CD55: variants seen among roughly 807,000 people sequenced by gnomAD.
CD55 encodes the protein CD55 molecule (Cromer blood group).
CD55 carries 41 observed loss-of-function variants against 45.8 expected under a neutral mutation model. The ratio of observed to expected loss-of-function variants is 0.90; its 90% CI spans 0.70 to 1.16. The LOEUF is 1.16. CD55 is among the 50% of genes most tolerant of loss of function. The probability of loss-of-function intolerance (pLI) is 0.00; values close to 1 mark genes in which losing one functional copy is unlikely to be tolerated. For missense variants in CD55, 416 were observed against 469.8 expected (o/e 0.89, Z 1.06); for synonymous variants, 181 against 181.1 (o/e 1.00, Z 0.01).
At position 207,322,267 on chromosome 1, in the gene CD55, A is replaced by C. The variant is rs955623046; in HGVS notation, c.101-115A>C. ...GCCGTGTGGAGCACACGATGCTGCA[A>C]ACTTGCATGTCATCTCTTTCAGGTG... is the stretch of plus-strand genomic sequence containing the variant. On this transcript the variant is annotated intron_variant, in intron 1 of 9. Transcript: ENST00000367064. 1.4e-5 allele frequency: 12 copies of C among 887,286 alleles called. No individual in the cohort carries two copies. The African/African-American group carries it at 1.6e-4, about 12-fold the overall frequency. The allele number at this position is 887,286 out of a possible 1,614,324, so 55.0% of individuals were successfully genotyped here.
At chr1:207,346,120 G>T (rs1045255525) in intron 9 of CD55, among the ~76,000 whole-genome samples, 4 of 152,272 alleles carry the variant, frequency 2.6e-5, no homozygotes, top group African/African-American at 7.2e-5. Flanking sequence ...GGGGGCATGG[G>T]TGATGGCAGT....
intron 9 of CD55, among the ~76,000 whole-genome samples, chr1:207,348,196 GTGTTCTCT>G (rs1446905418): frequency 2.0e-5 from 3 of 152,148 alleles, no homozygotes; most frequent in Admixed American, 1.3e-4. Context: ...CAATGTATAA[GTGTTCTCT>G]GTTTTCCACA....
At chr1:207,331,343 G>A (rs1158469231) in intron 6 of CD55, 47 bp downstream of exon 6, 2 of 1,453,454 alleles carry the variant, frequency 1.4e-6, no homozygotes, top group Non-Finnish European at 9.6e-7. Flanking sequence ...TTACCCTCAG[G>A]TCTATATGTG....
In CD55 at chr1:207,360,501, T is replaced by C. The variant is rs576643280; in HGVS notation, c.*891T>C. 6.6e-6 allele frequency: 1 copy of C among 152,296 alleles called. No individual in the cohort carries two copies. Among genetic ancestry groups the C allele is most frequent in the Non-Finnish European group, 1.5e-5 (1 of 68,000 alleles). The allele number at this position is 152,296 out of a possible 1,614,324, so 9.4% of individuals were successfully genotyped here. ...AGAAATAAATGATCCCATTTTTTGG[T>C]ATCATGTAGTATGTGAAATTTATTC... On this transcript the variant is annotated 3_prime_UTR_variant, in exon 10 of 10. Transcript: ENST00000367064.
At chr1:207,327,902 T>C (rs1654759345) in intron 5 of CD55, among the ~76,000 whole-genome samples, 1 of 152,208 alleles carries the variant, frequency 6.6e-6, no homozygotes, top group Non-Finnish European at 1.5e-5. Flanking sequence ...AAATTTTTCA[T>C]CATTGCTACC....
At chr1:207,339,515 A>C (rs1655329497) in intron 9 of CD55, 98 bp downstream of exon 9, 1 of 945,392 alleles carries the variant, frequency 1.1e-6, no homozygotes, top group South Asian at 1.6e-5. Flanking sequence ...GTTTTTAAAA[A>C]AATGTATCCT....
intron 9 of CD55, among the ~76,000 whole-genome samples, chr1:207,349,778 G>T (rs1273179333): frequency 2.0e-5 from 3 of 152,160 alleles, no homozygotes; most frequent in Non-Finnish European, 4.4e-5. Context: ...AGACTATGGA[G>T]TATTCTAGGT....
chr1:207,325,286 GATT>G (rs894498007), intron 3 of CD55, among the ~76,000 whole-genome samples: 35 of 142,036 alleles, frequency 2.5e-4, no homozygotes, highest in Admixed American at 1.8e-3. Flanking sequence ...AGTGAGCTGA[GATT>G]ATGTCACCGC....
chr1:207,334,541 A>G (rs1357303917), intron 6 of CD55, among the ~76,000 whole-genome samples: 2 of 152,204 alleles, frequency 1.3e-5, no homozygotes, highest in Non-Finnish European at 2.9e-5. Context: ...CAAATGCACA[A>G]TAACAATGCG....
chr1:207,329,831 C>G (rs1051336552), intron 5 of CD55, among the ~76,000 whole-genome samples: 8 of 151,980 alleles, frequency 5.3e-5, no homozygotes, highest in African/African-American at 1.9e-4. Flanking sequence ...AGGCTGGTCT[C>G]GAACTCCTGG....
chr1:207,336,908 G>GTAAA (rs1655201415), intron 7 of CD55, 90 bp downstream of exon 7: 2 of 1,440,946 alleles, frequency 1.4e-6, no homozygotes, highest in Non-Finnish European at 9.7e-7. Flanking sequence ...ACCCACCACA[G>GTAAA]TAAATGTCCC....
intron 9 of CD55, among the ~76,000 whole-genome samples, chr1:207,352,304 A>G (rs994646857): frequency 1.3e-5 from 2 of 150,508 alleles, no homozygotes; most frequent in Non-Finnish European, 3.0e-5. Flanking sequence ...CTTTTTAGAC[A>G]TTTTTTTTTG....
chr1:207,358,725 A>G (rs2102451828), intron 9 of CD55: 1 of 152,320 alleles, frequency 6.6e-6, no homozygotes, highest in South Asian at 2.1e-4. Context: ...ATAGAGGCTT[A>G]AGTCTCTGTC....
Position 207,359,868 on chromosome 1 carries a change from A to G in CD55, c.*258A>G, listed in dbSNP as rs1369175490. The G allele has an allele frequency of 2.9e-6, 1 of 347,282 alleles. No individual in the cohort carries two copies. Among genetic ancestry groups the G allele is most frequent in the Non-Finnish European group, 5.1e-6 (1 of 195,132 alleles). 21.5% of individuals were successfully genotyped at this position (347,282 alleles called of 1,614,324 possible). On this transcript the variant is annotated 3_prime_UTR_variant, in exon 10 of 10. Transcript: ENST00000367064. Reference sequence around the variant, plus strand: ...GAGTGATTCCTTTCCTAAAAGTGTAAGAAAGCATAGAGATTTGTTCGTATT... The same window carrying G: ...GAGTGATTCCTTTCCTAAAAGTGTAGGAAAGCATAGAGATTTGTTCGTATT...
At chr1:207,332,266 T>C (rs1301174241) in intron 6 of CD55, among the ~76,000 whole-genome samples, 1 of 152,162 alleles carries the variant, frequency 6.6e-6, no homozygotes, top group Non-Finnish European at 1.5e-5. Flanking sequence ...CAGTCCTCTA[T>C]TGATGACAAT....
At chr1:207,324,189 G>A (rs1028863250) in intron 2 of CD55, among the ~76,000 whole-genome samples, 26 of 152,166 alleles carry the variant, frequency 1.7e-4, no homozygotes, top group Admixed American at 3.3e-4. Flanking sequence ...CATTAGTCCA[G>A]GGGTCTGGAA....
chr1:207,329,539 T>C (rs1484093907), intron 5 of CD55, among the ~76,000 whole-genome samples: 2 of 152,194 alleles, frequency 1.3e-5, no homozygotes, highest in Non-Finnish European at 2.9e-5. Context: ...ACCTACTGCT[T>C]GACACTCAGG....
intron 9 of CD55, among the ~76,000 whole-genome samples, chr1:207,354,543 A>G (rs1318781828): frequency 6.6e-6 from 1 of 152,170 alleles, no homozygotes; most frequent in Non-Finnish European, 1.5e-5. Flanking sequence ...TTATTTTCCC[A>G]CCTAAGAGCT....
At chr1:207,357,714 G>A (rs936320048) in intron 9 of CD55, among the ~76,000 whole-genome samples, 1 of 152,124 alleles carries the variant, frequency 6.6e-6, no homozygotes, top group Non-Finnish European at 1.5e-5. Flanking sequence ...ATAAAGTACT[G>A]GAACATCGAA....
Sources: gnomAD v4.1 joint callset for allele counts (sites outside exome capture counted in the v4.1 genomes callset) on GRCh38, gnomAD v4.1.1 for gene constraint, MANE v1.5 for transcripts, NCBI Gene and HGNC (gene_info 2026-07-23, HGNC 2026-07-21) for gene names.